The following CCDC102B variants were observed in gnomAD, a reference collection of about 807,000 sequenced individuals.
CCDC102B encodes coiled-coil domain-containing protein 102B.
In CCDC102B, 75 loss-of-function variants were observed where a neutral mutation model predicts 57.4. That is an observed-to-expected ratio of 1.31 (90% CI 1.08 to 1.58). The LOEUF (loss-of-function observed/expected upper bound fraction) is 1.58, where lower values mean the gene tolerates loss of function less well. Among genes scored for constraint, CCDC102B ranks in the 40% most tolerant of loss-of-function variants. The pLI is 0.00. For missense variants in CCDC102B, 636 were observed against 582.6 expected (o/e 1.09, Z -0.94); for synonymous variants, 206 against 201.9 (o/e 1.02, Z -0.17).
chr18:68,979,403 T>C (rs1260488843), intron 6 of CCDC102B, among the ~76,000 whole-genome samples: 2 of 151,864 alleles, frequency 1.3e-5, no homozygotes, highest in African/African-American at 4.8e-5. Flanking sequence ...TCTAGTTCAT[T>C]TAACAGCATG....
chr18:68,963,882 T>C (rs2050107290), intron 6 of CCDC102B, among the ~76,000 whole-genome samples: 1 of 151,910 alleles, frequency 6.6e-6, no homozygotes, highest in African/African-American at 2.4e-5. Context: ...CTAGATGAAA[T>C]TTATGGATGG....
At chr18:69,035,021 C>A (rs1405064779) in intron 7 of CCDC102B, among the ~76,000 whole-genome samples, 1 of 151,856 alleles carries the variant, frequency 6.6e-6, no homozygotes, top group South Asian at 2.1e-4. Context: ...CTCAATTATA[C>A]TAATTTATTT....
chr18:69,031,784 G>C (rs1053127932), intron 7 of CCDC102B, among the ~76,000 whole-genome samples: 5 of 152,034 alleles, frequency 3.3e-5, no homozygotes, highest in African/African-American at 1.2e-4. Flanking sequence ...GTGGCAGGTG[G>C]TGTCTTAATA....
At chr18:68,857,564 T>C (rs909907416) in intron 4 of CCDC102B, among the ~76,000 whole-genome samples, 7 of 150,762 alleles carry the variant, frequency 4.6e-5, no homozygotes, top group Non-Finnish European at 1.0e-4. Context: ...TTTATCTTCC[T>C]AATGCTCAAT....
chr18:68,989,376 C>A (rs1385292091), intron 6 of CCDC102B, among the ~76,000 whole-genome samples: 5 of 152,168 alleles, frequency 3.3e-5, no homozygotes, highest in Admixed American at 2.6e-4. Flanking sequence ...AGGAATAAAA[C>A]TGTCTACTTC....
intron 2 of CCDC102B, among the ~76,000 whole-genome samples, chr18:68,743,457 C>G (rs2033489068): frequency 6.6e-6 from 1 of 152,088 alleles, no homozygotes. Context: ...TCCCTTGCAT[C>G]TCTGTCTTGA....
At chr18:68,868,897 G>C (rs1006405057) in intron 4 of CCDC102B, among the ~76,000 whole-genome samples, 1 of 152,094 alleles carries the variant, frequency 6.6e-6, no homozygotes, top group African/African-American at 2.4e-5. Flanking sequence ...AATATTCCAC[G>C]TGTCCTGAGC....
intron 1 of CCDC102B, among the ~76,000 whole-genome samples, chr18:68,806,337 A>G (rs1352535012): frequency 6.6e-6 from 1 of 152,122 alleles, no homozygotes; most frequent in Non-Finnish European, 1.5e-5. Flanking sequence ...TTGTATGATT[A>G]TTGCAACATC....
intron 4 of CCDC102B, chr18:68,866,860 C>A: frequency 1.5e-6 from 1 of 682,424 alleles, no homozygotes; most frequent in African/African-American, 1.8e-5. Context: ...ACTGATCCAC[C>A]ACAGCTACAT....
chr18:68,765,480 G>C (rs1342601633), intron 2 of CCDC102B, among the ~76,000 whole-genome samples: 1 of 151,134 alleles, frequency 6.6e-6, no homozygotes, highest in South Asian at 2.1e-4. Context: ...AGGAAGGAAG[G>C]AGAGGAAGAA....
intron 6 of CCDC102B, among the ~76,000 whole-genome samples, chr18:68,966,492 G>A (rs1383463892): frequency 6.6e-6 from 1 of 152,158 alleles, no homozygotes; most frequent in African/African-American, 2.4e-5. Context: ...TACCCTGTGT[G>A]TGTGGGACTC....
chr18:69,016,550 C>T (rs763733593), intron 7 of CCDC102B, among the ~76,000 whole-genome samples: 1 of 152,112 alleles, frequency 6.6e-6, no homozygotes, highest in Non-Finnish European at 1.5e-5. Flanking sequence ...TAACGTGTTA[C>T]CTTAGTGTAT....
intron 7 of CCDC102B, among the ~76,000 whole-genome samples, chr18:69,026,502 T>C (rs1171334748): frequency 1.3e-5 from 2 of 148,162 alleles, no homozygotes; most frequent in Non-Finnish European, 3.0e-5. Context: ...GTGTCAAAGC[T>C]GGGCGACATC....
At chr18:68,916,874 C>T (rs1328487091) in intron 6 of CCDC102B, among the ~76,000 whole-genome samples, 1 of 152,156 alleles carries the variant, frequency 6.6e-6, no homozygotes, top group Non-Finnish European at 1.5e-5. Context: ...AGGGGCCTCC[C>T]ATGGTTTGCA....
At chr18:68,826,336 G>C (rs1406619259) in intron 1 of CCDC102B, among the ~76,000 whole-genome samples, 3 of 151,580 alleles carry the variant, frequency 2.0e-5, no homozygotes, top group African/African-American at 7.3e-5. Context: ...TTTAGTTTCT[G>C]GGAGCTGGTG....
chr18:68,786,379 T>C (rs2035212716), intron 2 of CCDC102B, among the ~76,000 whole-genome samples: 1 of 128,166 alleles, frequency 7.8e-6, no homozygotes, highest in Non-Finnish European at 1.6e-5. Flanking sequence ...CATTGGTAGC[T>C]TGATGGGGAT....
chr18:68,846,412 T>G lies in CCDC102B; in HGVS notation c.927T>G (p.Asn309Lys). 6.4e-7 allele frequency: 1 copy of G among 1,573,924 alleles called. No individual in the cohort carries two copies. The highest frequency in any genetic ancestry group is 8.6e-7 in the Non-Finnish European group (1 of 1,159,962). Residue 309 changes from asparagine to lysine, a missense_variant, in exon 4 of 8, where the codon AAT becomes AAG. Physicochemically the swap from Asn to Lys is moderately conservative, Grantham distance 94. Transcript: ENST00000360242. ...YEELKESKPKNVKEFDILLGQ... is the reference protein window; with the variant it reads ...YEELKESKPKKVKEFDILLGQ... ...AACTGAAAGAATCAAAGCCAAAAAA[T>G]GTGAAAGAGGTATGGGGGAATATGA...
intron 4 of CCDC102B, among the ~76,000 whole-genome samples, chr18:68,868,604 G>A (rs1384539428): frequency 1.3e-5 from 2 of 152,010 alleles, no homozygotes; most frequent in Non-Finnish European, 2.9e-5. Flanking sequence ...TCCTTCTTAC[G>A]TTCCTCACCT....
At chr18:68,790,364 C>G (rs971556925) in intron 2 of CCDC102B, among the ~76,000 whole-genome samples, 2 of 151,690 alleles carry the variant, frequency 1.3e-5, no homozygotes, top group Admixed American at 6.6e-5. Context: ...CCACCCAGTT[C>G]GAGCTTCTGG....
Sources: gnomAD v4.1 joint callset for allele counts (sites outside exome capture counted in the v4.1 genomes callset) on GRCh38, gnomAD v4.1.1 for gene constraint, MANE v1.5 for transcripts, NCBI Gene and HGNC (gene_info 2026-07-23, HGNC 2026-07-21) for gene names.